The following PUM1 variants were observed in gnomAD, a reference collection of about 807,000 sequenced individuals.
The protein encoded by PUM1 is pumilio RNA binding family member 1.
A neutral mutation model predicts 131.8 loss-of-function variants in PUM1; 13 were observed. The ratio of observed to expected loss-of-function variants is 0.10; its 90% CI spans 0.06 to 0.16. The LOEUF (loss-of-function observed/expected upper bound fraction) is 0.16. Ranked by LOEUF, PUM1 falls within the 10% of genes least tolerant of loss-of-function variation. The pLI, the probability that PUM1 is intolerant of heterozygous loss-of-function variation, is 1.00. For synonymous variants in PUM1, 509 were observed against 556.5 expected (o/e 0.91, Z 1.20); for missense variants, 961 against 1,512.4 (o/e 0.64, Z 6.05).
intron 14 of PUM1, among the ~76,000 whole-genome samples, chr1:30,957,840 T>C (rs1640234166): frequency 6.6e-6 from 1 of 152,198 alleles, no homozygotes; most frequent in Admixed American, 6.5e-5. Flanking sequence ...GAAGCAACAA[T>C]GTTCATCAAA....
At chr1:31,005,350 G>A (rs952907870) in intron 5 of PUM1, among the ~76,000 whole-genome samples, 13 of 152,254 alleles carry the variant, frequency 8.5e-5, no homozygotes, top group South Asian at 4.1e-4. Context: ...AAACAAAGCC[G>A]TTCAAGGAGG....
chr1:31,003,932 A>C (rs1442944170), intron 5 of PUM1, among the ~76,000 whole-genome samples: 1 of 152,210 alleles, frequency 6.6e-6, no homozygotes, highest in Non-Finnish European at 1.5e-5. Context: ...CTTCCTTCTA[A>C]AAGAAGCTGG....
intron 2 of PUM1, among the ~76,000 whole-genome samples, chr1:31,029,277 T>C (rs933724515): frequency 3.3e-5 from 5 of 152,218 alleles, no homozygotes; most frequent in African/African-American, 1.2e-4. Flanking sequence ...TTAAGTTAAA[T>C]TAGGGAGTGC....
chr1:31,054,401 G>C (rs1355861595), intron 2 of PUM1, among the ~76,000 whole-genome samples: 1 of 151,964 alleles, frequency 6.6e-6, no homozygotes, highest in Admixed American at 6.6e-5. Context: ...AAAGTACCTG[G>C]CATGACAAAG....
At chr1:30,933,471 CA>C (rs1639054070) in intron 21 of PUM1, 129 bp from the exon 22 acceptor site, 26 of 855,866 alleles carry the variant, frequency 3.0e-5, no homozygotes, top group African/African-American at 8.4e-5. Flanking sequence ...CACACACACA[CA>C]CACACACACA....
chr1:31,005,872 C>T lies in PUM1; in HGVS notation c.701G>A (p.Cys234Tyr), dbSNP rs775082031. 1.9e-6 allele frequency: 3 copies of T among 1,599,506 alleles called. No individual in the cohort carries two copies. The South Asian group carries it at 3.4e-5, about 18-fold the overall frequency. Reference protein sequence around the residue: ...YVLSSSPGDSCLRKGGFGPRD... With the variant: ...YVLSSSPGDSYLRKGGFGPRD... Reference sequence around the variant, plus strand: ...ACTTACAAATCCTCCTTTTCTTAGACAGGAATCGCCCGGGGATGAGCTCAA... The same window carrying T: ...ACTTACAAATCCTCCTTTTCTTAGATAGGAATCGCCCGGGGATGAGCTCAA... Residue 234 changes from cysteine to tyrosine, a missense_variant, in exon 5 of 22, where the codon TGT becomes TAT. Around this residue, in one of 4 missense-constraint regions of PUM1, gnomAD observed 654 missense variants for 923.9 expected, o/e 0.71. Transcript: ENST00000426105.
intron 3 of PUM1, among the ~76,000 whole-genome samples, chr1:31,015,199 T>G (rs188096528): frequency 2.2e-4 from 34 of 152,350 alleles, no homozygotes; most frequent in African/African-American, 7.9e-4. Flanking sequence ...GTGGATTACT[T>G]AATTCAAAAT....
intron 2 of PUM1, among the ~76,000 whole-genome samples, chr1:31,051,247 A>C (rs1357029450): frequency 6.6e-6 from 1 of 151,862 alleles, no homozygotes; most frequent in Non-Finnish European, 1.5e-5. Flanking sequence ...AGATGGCCAC[A>C]CCAAGTGAAA....
Position 30,981,345 on chromosome 1 carries a change from ACTG to A in PUM1, c.1216_1218del (p.Gln406del). 3 of 1,603,088 alleles carry A rather than the reference ACTG, an allele frequency of 1.9e-6. No homozygotes were observed. The highest frequency in any genetic ancestry group is 2.3e-5 in the South Asian group (2 of 88,726). ...GGCTGATGAGCAGCTGCCAGTGCAT[ACTG>A]CTGCTGCTGAGCAGCTGTCAACTGC... On this transcript the variant is annotated inframe_deletion, in exon 8 of 22. Coordinates refer to ENST00000426105, the MANE Select transcript of PUM1 (RefSeq NM_001020658.2).
At chr1:30,995,991 T>C (rs1641967107) in intron 5 of PUM1, among the ~76,000 whole-genome samples, 1 of 152,240 alleles carries the variant, frequency 6.6e-6, no homozygotes, top group Non-Finnish European at 1.5e-5. Context: ...AATTGAAGCA[T>C]TTGATACAAA....
intron 2 of PUM1, among the ~76,000 whole-genome samples, chr1:31,035,735 G>C (rs1388619149): frequency 6.6e-6 from 1 of 151,570 alleles, no homozygotes; most frequent in Non-Finnish European, 1.5e-5. Flanking sequence ...TGGGCAACGA[G>C]AGTGAAACTC....
chr1:30,953,859 G>A lies in PUM1; in HGVS notation c.2446C>T (p.Arg816Cys), dbSNP rs752473532. ...ACATCAGACATTCCATATCGCAAACGAGAGGAAGAGAAAAGAGTGCTGCTC... is the reference window on the plus strand; with the variant it reads ...ACATCAGACATTCCATATCGCAAACAAGAGGAAGAGAAAAGAGTGCTGCTC... ...SPSSTLFSSSRLRYGMSDVMP... is the reference protein window; with the variant it reads ...SPSSTLFSSSCLRYGMSDVMP... Residue 816 changes from arginine (R) to cysteine (C), a missense_variant, in exon 15 of 22, where the codon CGT becomes TGT. Around this residue, in one of 4 missense-constraint regions of PUM1, gnomAD observed 117 missense variants for 200.7 expected, o/e 0.58. Transcript: ENST00000426105. 9.9e-6 allele frequency: 16 copies of A among 1,614,102 alleles called. No individual in the cohort carries two copies. Among genetic ancestry groups the A allele is most frequent in the African/African-American group, 1.3e-5 (1 of 74,934 alleles).
intron 5 of PUM1, among the ~76,000 whole-genome samples, chr1:31,004,544 G>C (rs1047925884): frequency 1.3e-5 from 2 of 151,648 alleles, no homozygotes; most frequent in African/African-American, 4.9e-5. Flanking sequence ...TTCCCAAGCA[G>C]CCCCTTGGGA....
intron 17 of PUM1, among the ~76,000 whole-genome samples, chr1:30,948,219 G>T (rs1639763897): frequency 6.6e-6 from 1 of 152,098 alleles, no homozygotes; most frequent in Non-Finnish European, 1.5e-5. Context: ...TTATGACAAT[G>T]AAGCTTATAC....
In PUM1 at chr1:30,932,833, CTTTTTTTTTTAAAGCT is replaced by C. The variant is rs1448232303; in HGVS notation, c.*362_*377del. ...GAGCTAAAAACCTTTTCCTTTTTTT[CTTTTTTTTTTAAAGCT>C]TTTTTTTTTTGTTAAACCAACCACC... is the stretch of plus-strand genomic sequence containing the variant. On this transcript the variant is annotated 3_prime_UTR_variant, in exon 22 of 22. Coordinates refer to ENST00000426105, the MANE Select transcript of PUM1 (RefSeq NM_001020658.2). 1.4e-5 allele frequency: 2 copies of C among 143,742 alleles called. No individual in the cohort carries two copies. Among genetic ancestry groups the C allele is most frequent in the Non-Finnish European group, 3.0e-5 (2 of 65,718 alleles). 8.9% of individuals were successfully genotyped at this position (143,742 alleles called of 1,614,324 possible).
intron 2 of PUM1, among the ~76,000 whole-genome samples, chr1:31,047,763 G>A (rs1644004678): frequency 6.6e-6 from 1 of 152,208 alleles, no homozygotes; most frequent in Non-Finnish European, 1.5e-5. Context: ...CCAACACGGT[G>A]AAACCCCATC....
intron 10 of PUM1, among the ~76,000 whole-genome samples, chr1:30,973,717 T>C (rs1641023215): frequency 1.3e-5 from 2 of 152,088 alleles, no homozygotes; most frequent in Admixed American, 6.6e-5. Flanking sequence ...CCAAACATAA[T>C]AGCATTGGTT....
intron 14 of PUM1, among the ~76,000 whole-genome samples, chr1:30,962,257 C>T (rs1640444048): frequency 6.6e-6 from 1 of 152,122 alleles, no homozygotes; most frequent in African/African-American, 2.4e-5. Context: ...ATAACTCACA[C>T]TAATAGTTAT....
At chr1:31,050,197 A>T (rs1251557864) in intron 2 of PUM1, among the ~76,000 whole-genome samples, 2 of 152,144 alleles carry the variant, frequency 1.3e-5, no homozygotes, top group African/African-American at 4.8e-5. Flanking sequence ...GGTTAAAATT[A>T]TAGTCAGGCC....
Sources: allele counts gnomAD v4.1 joint callset (sites outside exome capture counted in the v4.1 genomes callset), GRCh38; gene constraint gnomAD v4.1.1; regional missense constraint gnomAD v4.1.1; transcripts MANE v1.5; gene names NCBI Gene and HGNC (gene_info 2026-07-23, HGNC 2026-07-21).